The following FGF12 variants were observed in gnomAD, a reference collection of about 807,000 sequenced individuals.
FGF12 encodes fibroblast growth factor 12B.
In FGF12, 14 loss-of-function variants were observed where a neutral mutation model predicts 23.6. That is an observed-to-expected ratio of 0.59 (90% confidence interval 0.39 to 0.93). FGF12 has a LOEUF of 0.93. FGF12 is among the 40% of genes least tolerant of loss of function. FGF12 has a pLI of 0.00. For missense variants in FGF12, 175 were observed against 217.8 expected (o/e 0.80, Z 1.24); for synonymous variants, 62 against 77.3 (o/e 0.80, Z 1.04).
Position 192,419,086 on chromosome 3 carries a change from G to C in FGF12, c.14-58548C>G, listed in dbSNP as rs114529817. Among the ~76,000 whole-genome samples the C allele has an allele frequency of 3.6e-3, 543 of 152,290 alleles. 1 individual carries two copies. The highest frequency in any genetic ancestry group is 0.012 in the African/African-American group (512 of 41,566). ...GTCATAGAAAGTTGATTAATTGTCT[G>C]AAATATGGGGTCAGGTCCAGAATTC... On this transcript the variant is annotated intron_variant, in intron 2 of 5. Transcript: ENST00000445105.
chr3:192,260,288 G>C (rs1712667850), intron 4 of FGF12, among the ~76,000 whole-genome samples: 5 of 152,078 alleles, frequency 3.3e-5, no homozygotes, highest in Admixed American at 2.6e-4. Context: ...AGTGTATCTG[G>C]CTTTCCCAAT....
intron 2 of FGF12, among the ~76,000 whole-genome samples, chr3:192,709,464 G>A (rs1379443750): frequency 6.6e-6 from 1 of 152,086 alleles, no homozygotes; most frequent in Non-Finnish European, 1.5e-5. Flanking sequence ...TAAAATTTCA[G>A]TCATATCAAA....
chr3:192,270,818 A>AGG (rs1713388483), intron 4 of FGF12, among the ~76,000 whole-genome samples: 2 of 149,884 alleles, frequency 1.3e-5, no homozygotes, highest in African/African-American at 2.4e-5. Context: ...GAAGGAAGGA[A>AGG]AGAAGGAAGG....
intron 2 of FGF12, among the ~76,000 whole-genome samples, chr3:192,528,693 C>G (rs1240702374): frequency 6.6e-6 from 1 of 152,208 alleles, no homozygotes; most frequent in Non-Finnish European, 1.5e-5. Flanking sequence ...TAGGCGTTTC[C>G]TTACATCCTC....
At chr3:192,405,184 A>C (rs933874565) in intron 2 of FGF12, among the ~76,000 whole-genome samples, 1 of 151,092 alleles carries the variant, frequency 6.6e-6, no homozygotes, top group African/African-American at 2.5e-5. Context: ...CCTGGCCCTG[A>C]AACTGTGTGA....
chr3:192,596,307 T>A (rs1430385527), intron 2 of FGF12, among the ~76,000 whole-genome samples: 1 of 151,972 alleles, frequency 6.6e-6, no homozygotes, highest in Non-Finnish European at 1.5e-5. Context: ...TTTGTCTACA[T>A]TTTAACTTCT....
intron 2 of FGF12, among the ~76,000 whole-genome samples, chr3:192,567,351 G>GA (rs1237579774): frequency 3.4e-5 from 5 of 149,208 alleles, no homozygotes; most frequent in South Asian, 2.1e-4. Context: ...CGAAGTTGGA[G>GA]AAAAAAAAAG....
chr3:192,470,047 A>G (rs1232045286), intron 2 of FGF12, among the ~76,000 whole-genome samples: 1 of 152,226 alleles, frequency 6.6e-6, no homozygotes, highest in Non-Finnish European at 1.5e-5. Context: ...GAACCAAGAT[A>G]ATGATGTGTG....
At chr3:192,667,603 T>C (rs1212194739) in intron 2 of FGF12, among the ~76,000 whole-genome samples, 2 of 85,126 alleles carry the variant, frequency 2.3e-5, no homozygotes, top group Admixed American at 1.7e-4. Context: ...AGAGCGAGAC[T>C]CCGTAAAAAA....
intron 2 of FGF12, among the ~76,000 whole-genome samples, chr3:192,469,769 A>C (rs1358676754): frequency 6.6e-6 from 1 of 152,192 alleles, no homozygotes; most frequent in Non-Finnish European, 1.5e-5. Flanking sequence ...ATGGAAACAT[A>C]AAAGGTAATG....
At chr3:192,234,927 G>A (rs1719207293) in intron 4 of FGF12, among the ~76,000 whole-genome samples, 1 of 152,128 alleles carries the variant, frequency 6.6e-6, no homozygotes, top group Admixed American at 6.5e-5. Flanking sequence ...TTCATGTGCT[G>A]CTGGATTTGG....
chr3:192,342,061 T>C, intron 3 of FGF12, among the ~76,000 whole-genome samples: 1 of 152,182 alleles, frequency 6.6e-6, no homozygotes. Context: ...AAAAGACTTT[T>C]ATCTGTGAAT....
At chr3:192,242,710 C>CA (rs1447663163) in intron 4 of FGF12, among the ~76,000 whole-genome samples, 4 of 151,496 alleles carry the variant, frequency 2.6e-5, no homozygotes, top group African/African-American at 9.7e-5. Context: ...CCAATCATCT[C>CA]AAAAAAAAGT....
intron 2 of FGF12, among the ~76,000 whole-genome samples, chr3:192,429,003 A>T (rs904987614): frequency 2.0e-5 from 3 of 152,074 alleles, no homozygotes; most frequent in Admixed American, 2.0e-4. Flanking sequence ...TTATTTATAC[A>T]CTGATATATG....
At chr3:192,508,928 G>T (rs1479976817) in intron 2 of FGF12, among the ~76,000 whole-genome samples, 2 of 152,102 alleles carry the variant, frequency 1.3e-5, no homozygotes, top group Non-Finnish European at 2.9e-5. Context: ...TTGTTGAACT[G>T]AAACAAACTG....
intron 4 of FGF12, among the ~76,000 whole-genome samples, chr3:192,195,467 T>A (rs1157515751): frequency 6.6e-6 from 1 of 152,204 alleles, no homozygotes; most frequent in Non-Finnish European, 1.5e-5. Flanking sequence ...TATGTTTAGA[T>A]ACAAAAACAC....
chr3:192,628,756 C>T, intron 2 of FGF12, among the ~76,000 whole-genome samples: 1 of 149,628 alleles, frequency 6.7e-6, no homozygotes. Flanking sequence ...TAAATATATA[C>T]TTTTTACTAT....
At chr3:192,667,546 G>C in intron 2 of FGF12, among the ~76,000 whole-genome samples, 1 of 148,974 alleles carries the variant, frequency 6.7e-6, no homozygotes, top group South Asian at 2.1e-4. Context: ...GGAGGCGGAG[G>C]TTGCACTGAG....
At chr3:192,629,785 A>G (rs149330670) in intron 2 of FGF12, among the ~76,000 whole-genome samples, 87 of 152,328 alleles carry the variant, frequency 5.7e-4, no homozygotes, top group Admixed American at 2.1e-3. Flanking sequence ...CTCCATTCCT[A>G]CCTCAGAACC....
Sources: allele counts gnomAD v4.1 joint callset (sites outside exome capture counted in the v4.1 genomes callset), GRCh38; gene constraint gnomAD v4.1.1; transcripts MANE v1.5; gene names NCBI Gene and HGNC (gene_info 2026-07-23, HGNC 2026-07-21).